The following IPO11 variants were observed in gnomAD, a reference collection of about 807,000 sequenced individuals.
IPO11 encodes the protein importin-11.
In IPO11, 66 loss-of-function variants were observed where a neutral mutation model predicts 143.2. That is an observed-to-expected ratio of 0.46 (90% CI 0.38 to 0.57). The LOEUF is 0.57. Among genes scored for constraint, IPO11 ranks in the 20% least tolerant of loss-of-function variants. The pLI is 0.00. For synonymous variants in IPO11, 385 were observed against 377.8 expected (o/e 1.02, Z -0.22); for missense variants, 1,026 against 1,141.0 (o/e 0.90, Z 1.45).
intron 16 of IPO11, among the ~76,000 whole-genome samples, chr5:62,498,971 C>G (rs904896245): frequency 1.6e-4 from 24 of 152,304 alleles, no homozygotes; most frequent in African/African-American, 5.5e-4. Flanking sequence ...TAATCTTTCA[C>G]TTTTGTGAAA....
intron 5 of IPO11, 99 bp downstream of exon 5, chr5:62,452,032 G>C (rs951450215): frequency 2.2e-6 from 2 of 913,656 alleles, no homozygotes; most frequent in Non-Finnish European, 3.5e-6. Flanking sequence ...GCCGAGGCGG[G>C]TGGATCACGA....
chr5:62,525,873 A>T (rs1742355038), intron 20 of IPO11, among the ~76,000 whole-genome samples: 1 of 152,222 alleles, frequency 6.6e-6, no homozygotes, highest in Non-Finnish European at 1.5e-5. Flanking sequence ...TATTTCTTAT[A>T]TGTGCAGTCT....
chr5:62,501,892 T>G (rs1246905064), intron 16 of IPO11, among the ~76,000 whole-genome samples: 1 of 152,230 alleles, frequency 6.6e-6, no homozygotes, highest in African/African-American at 2.4e-5. Context: ...CTGGTGGTCT[T>G]AAGTCCCTGA....
chr5:62,499,921 A>G (rs966377659), intron 16 of IPO11, among the ~76,000 whole-genome samples: 27 of 152,060 alleles, frequency 1.8e-4, no homozygotes, highest in Admixed American at 1.1e-3. Flanking sequence ...TTGCACCTCC[A>G]CATCTTGTCC....
At chr5:62,537,649 C>G (rs937179049) in intron 24 of IPO11, among the ~76,000 whole-genome samples, 1 of 152,140 alleles carries the variant, frequency 6.6e-6, no homozygotes, top group Non-Finnish European at 1.5e-5. Flanking sequence ...CTTATTCTTT[C>G]ATTTTGTTAG....
In IPO11 at chr5:62,450,663, T is replaced by TAAA. The variant is rs34266204; in HGVS notation, c.312+676_312+678dup. Among the ~76,000 whole-genome samples the TAAA allele has an allele frequency of 8.0e-4, 116 of 144,548 alleles. 1 individual carries two copies. Among genetic ancestry groups the TAAA allele is most frequent in the African/African-American group, 2.7e-3 (108 of 39,658 alleles). 94.8% of individuals were successfully genotyped at this position (144,548 alleles called of 152,430 possible). ...TTTTTAGATTAACTTCCCCACCATT[T>TAAA]AAAAAAAAAAAAAACAACTCAGAAT... On this transcript the variant is annotated intron_variant, in intron 4 of 29. Coordinates refer to ENST00000325324, the MANE Select transcript of IPO11 (RefSeq NM_016338.5).
chr5:62,550,627 A>G (rs1417470820), intron 25 of IPO11, among the ~76,000 whole-genome samples, 165 bp downstream of exon 25: 1 of 152,202 alleles, frequency 6.6e-6, no homozygotes, highest in Non-Finnish European at 1.5e-5. Context: ...TGTTCCACAC[A>G]GGGAAGCATA....
intron 9 of IPO11, among the ~76,000 whole-genome samples, chr5:62,481,210 G>T (rs1181970322): frequency 6.6e-6 from 1 of 152,058 alleles, no homozygotes; most frequent in African/African-American, 2.4e-5. Context: ...GAGCCACCGC[G>T]CCTGGCCGAC....
intron 29 of IPO11, among the ~76,000 whole-genome samples, chr5:62,607,691 T>A (rs1745773650): frequency 6.6e-6 from 1 of 152,172 alleles, no homozygotes; most frequent in Non-Finnish European, 1.5e-5. Context: ...AAAATACTTT[T>A]TAGTATTCAG....
chr5:62,436,404 C>G (rs1045910073), intron 1 of IPO11, among the ~76,000 whole-genome samples: 1 of 152,182 alleles, frequency 6.6e-6, no homozygotes, highest in Middle Eastern at 3.2e-3. Context: ...AACGCTATTC[C>G]CTGTCACCCC....
intron 2 of IPO11, among the ~76,000 whole-genome samples, chr5:62,439,591 CTTT>C (rs772635565): frequency 1.4e-5 from 2 of 140,314 alleles, no homozygotes; most frequent in African/African-American, 2.6e-5. Flanking sequence ...CTGGCCCAGT[CTTT>C]TTTTTTTTTT....
intron 11 of IPO11, 67 bp from the exon 12 acceptor site, chr5:62,485,352 T>G (rs1367811296): frequency 1.1e-5 from 14 of 1,231,526 alleles, no homozygotes; most frequent in Non-Finnish European, 1.7e-5. Context: ...TATACTGATG[T>G]TATTAAAATC....
chr5:62,610,004 A>G (rs1416338150), intron 29 of IPO11, among the ~76,000 whole-genome samples: 1 of 152,200 alleles, frequency 6.6e-6, no homozygotes, highest in East Asian at 1.9e-4. Context: ...CATTTAGGGA[A>G]GCACTGCCTA....
At chr5:62,558,518 T>C (rs1743654261) in intron 26 of IPO11, among the ~76,000 whole-genome samples, 1 of 152,216 alleles carries the variant, frequency 6.6e-6, no homozygotes, top group Non-Finnish European at 1.5e-5. Context: ...TCATTAAGAA[T>C]TGAAGGGTCT....
intron 9 of IPO11, among the ~76,000 whole-genome samples, chr5:62,479,061 T>C (rs1746079473): frequency 6.6e-6 from 1 of 152,172 alleles, no homozygotes; most frequent in Non-Finnish European, 1.5e-5. Flanking sequence ...GCATTAGGTA[T>C]TTCTCCTAAT....
At chr5:62,588,740 A>G (rs1353014371) in intron 27 of IPO11, among the ~76,000 whole-genome samples, 1 of 152,162 alleles carries the variant, frequency 6.6e-6, no homozygotes, top group East Asian at 1.9e-4. Flanking sequence ...ATTTCTCCAT[A>G]TGTATATCTG....
intron 29 of IPO11, among the ~76,000 whole-genome samples, chr5:62,615,553 C>T (rs1561388607): frequency 6.6e-6 from 1 of 152,110 alleles, no homozygotes; most frequent in African/African-American, 2.4e-5. Context: ...TGTCCTAATC[C>T]CTGGAACCTG....
chr5:62,583,768 A>G (rs536002618), intron 27 of IPO11, among the ~76,000 whole-genome samples: 1 of 152,276 alleles, frequency 6.6e-6, no homozygotes, highest in Admixed American at 6.5e-5. Flanking sequence ...CTTGGGTACA[A>G]TTTCTGTATT....
intron 9 of IPO11, among the ~76,000 whole-genome samples, chr5:62,479,727 A>G (rs1746112791): frequency 1.3e-5 from 2 of 152,130 alleles, no homozygotes; most frequent in East Asian, 1.9e-4. Flanking sequence ...CTGGCTGCAT[A>G]AATGTCTTCT....
Sources: gnomAD v4.1 joint callset for allele counts (sites outside exome capture counted in the v4.1 genomes callset) on GRCh38, gnomAD v4.1.1 for gene constraint, MANE v1.5 for transcripts, NCBI Gene and HGNC (gene_info 2026-07-23, HGNC 2026-07-21) for gene names.